The following FBN2 variants were observed in gnomAD, a reference collection of about 807,000 sequenced individuals.
The protein encoded by FBN2 is fibrillin-2.
In FBN2, 105 loss-of-function variants were observed where a neutral mutation model predicts 355.6. The ratio of observed to expected loss-of-function variants is 0.30; its 90% CI spans 0.25 to 0.35. The LOEUF (loss-of-function observed/expected upper bound fraction) is 0.35. Among genes scored for constraint, FBN2 ranks in the 10% least tolerant of loss-of-function variants. The pLI, the probability that FBN2 is intolerant of heterozygous loss-of-function variation, is 1.00. For missense variants in FBN2, 3,280 were observed against 3,758.7 expected (o/e 0.87, Z 3.33); for synonymous variants, 1,350 against 1,301.2 (o/e 1.04, Z -0.81).
intron 7 of FBN2, among the ~76,000 whole-genome samples, chr5:128,430,652 T>G (rs1753593923): frequency 1.3e-5 from 2 of 152,230 alleles, no homozygotes; most frequent in South Asian, 4.1e-4. Flanking sequence ...AAGACCAGCC[T>G]GACCAACATG....
intron 6 of FBN2, among the ~76,000 whole-genome samples, chr5:128,459,284 A>G (rs1357269526): frequency 6.6e-6 from 1 of 152,134 alleles, no homozygotes; most frequent in African/African-American, 2.4e-5. Context: ...ACCACTAACA[A>G]GCTCTGAAAT....
At chr5:128,399,209 A>T (rs1268416965) in intron 8 of FBN2, among the ~76,000 whole-genome samples, 2 of 152,092 alleles carry the variant, frequency 1.3e-5, no homozygotes, top group Non-Finnish European at 2.9e-5. Flanking sequence ...AATTAGCCAT[A>T]CCACTGTGAA....
chr5:128,402,749 C>CT (rs1052159689), intron 8 of FBN2, among the ~76,000 whole-genome samples: 2 of 152,216 alleles, frequency 1.3e-5, no homozygotes, highest in Non-Finnish European at 2.9e-5. Context: ...TTGTCTCATG[C>CT]TTGTCTCCTG....
chr5:128,499,727 C>A (rs748381159), intron 5 of FBN2, among the ~76,000 whole-genome samples: 6 of 152,092 alleles, frequency 3.9e-5, no homozygotes, highest in Non-Finnish European at 8.8e-5. Flanking sequence ...TAAATTGACA[C>A]GCTCAAGAAC....
Position 128,538,140 on chromosome 5 carries a change from A to C in FBN2, c.-537T>G. ...GGGCTCGCTCGGAGTCCCACAGGGC[A>C]ACGAAGCGCGGGTAGCGGCTGCGGA... On this transcript the variant is annotated 5_prime_UTR_variant, in exon 1 of 65. Transcript: ENST00000262464. 1 of 155,140 alleles carries C rather than the reference A, an allele frequency of 6.4e-6. No homozygotes were observed. The allele number at this position is 155,140 out of a possible 1,614,324, so 9.6% of individuals were successfully genotyped here. A position where few individuals can be genotyped will look rare whatever the true frequency, so the allele number is the denominator to read the frequency against.
rs751949438 is a variant in FBN2, at chr5:128,280,316, A to G, written c.7014T>C (p.Asp2338=). The G allele has an allele frequency of 6.2e-7, 1 of 1,609,132 alleles. No individual in the cohort carries two copies. The highest frequency in any genetic ancestry group is 8.5e-7 in the Non-Finnish European group (1 of 1,176,070). ...CTGGCTTGGTCCTGCATTCATTTTC[A>G]TCTTTAGAAAAACAAACAATATGAA... ...ARRPDGEGCV[D]ENECRTKPGI... Residue 2338 remains aspartate (D), a splice_region_variant and synonymous_variant, in exon 56 of 65, where the codon GAT becomes GAC. Coordinates refer to ENST00000262464, the MANE Select transcript of FBN2 (RefSeq NM_001999.4).
intron 6 of FBN2, among the ~76,000 whole-genome samples, chr5:128,463,844 C>A (rs1754624430): frequency 6.6e-6 from 1 of 152,074 alleles, no homozygotes. Context: ...TAGAAAATAA[C>A]CCTAACTCTC....
Position 128,300,955 on chromosome 5 carries a change from G to A in FBN2, c.6047-19C>T. On this transcript the variant is annotated intron_variant, in intron 47 of 64. Transcript: ENST00000262464. ...TTAGTGTCTTTAGAGAAAAAGAAGA[G>A]AAAAAATAATTTAAGCATGAGATAA... 6.2e-7 allele frequency: 1 copy of A among 1,610,928 alleles called. No individual in the cohort carries two copies. The highest frequency in any genetic ancestry group is 8.5e-7 in the Non-Finnish European group (1 of 1,177,584).
At chr5:128,425,719 T>A (rs890566507) in intron 7 of FBN2, among the ~76,000 whole-genome samples, 2 of 152,190 alleles carry the variant, frequency 1.3e-5, no homozygotes, top group Non-Finnish European at 2.9e-5. Flanking sequence ...TATAGAATTA[T>A]CATATAAATG....
At chr5:128,532,878 A>T (rs561715695) in intron 2 of FBN2, among the ~76,000 whole-genome samples, 1 of 152,012 alleles carries the variant, frequency 6.6e-6, no homozygotes, top group Admixed American at 6.6e-5. Flanking sequence ...CGCTACGAAA[A>T]TTTTTTTAAA....
rs747786347 is a variant in FBN2, at chr5:128,345,337, C to T, written c.3217+20G>A. On this transcript the variant is annotated intron_variant, in intron 24 of 64. Transcript: ENST00000262464. ...TCCTGTTGGTGAAGAAGGACCAAGGCGCTGGCCGCAGGCAGTTACCTTTGT... is the reference window on the plus strand; with the variant it reads ...TCCTGTTGGTGAAGAAGGACCAAGGTGCTGGCCGCAGGCAGTTACCTTTGT... 1.9e-5 allele frequency: 31 copies of T among 1,593,634 alleles called. No homozygotes were observed. Among genetic ancestry groups the T allele is most frequent in the East Asian group, 6.7e-5 (3 of 44,758 alleles).
At chr5:128,433,463 A>G (rs1753676719) in intron 7 of FBN2, among the ~76,000 whole-genome samples, 1 of 152,218 alleles carries the variant, frequency 6.6e-6, no homozygotes, top group Admixed American at 6.5e-5. Flanking sequence ...TAAGAACAAT[A>G]CAAAAAGCAA....
chr5:128,275,141 A>C (rs1048260457), intron 59 of FBN2, among the ~76,000 whole-genome samples: 8 of 152,218 alleles, frequency 5.3e-5, no homozygotes, highest in Non-Finnish European at 8.8e-5. Context: ...TTAATATTAG[A>C]GGAAGCAAAA....
chr5:128,344,700 CTTTTTTTT>C (rs143617398), intron 24 of FBN2, among the ~76,000 whole-genome samples, 190 bp from the exon 25 acceptor site: 4 of 139,156 alleles, frequency 2.9e-5, no homozygotes, highest in Non-Finnish European at 4.7e-5. Context: ...ATCTTATATT[CTTTTTTTT>C]TTTTTTTTTG....
chr5:128,410,233 C>A (rs1753029142), intron 7 of FBN2, among the ~76,000 whole-genome samples: 1 of 152,152 alleles, frequency 6.6e-6, no homozygotes, highest in East Asian at 1.9e-4. Context: ...CTTAATCCAA[C>A]AAAATAAAAC....
chr5:128,492,360 G>A (rs1755528641), intron 5 of FBN2, among the ~76,000 whole-genome samples: 2 of 152,166 alleles, frequency 1.3e-5, no homozygotes, highest in South Asian at 4.1e-4. Context: ...AATGAGCCAT[G>A]TAGGTAATAA....
chr5:128,400,604 T>A (rs1354574243), intron 8 of FBN2, among the ~76,000 whole-genome samples: 1 of 152,172 alleles, frequency 6.6e-6, no homozygotes, highest in East Asian at 1.9e-4. Context: ...TAAAAATAAA[T>A]CATTTGTTAA....
chr5:128,296,578 G>A (rs1469432896), intron 48 of FBN2, among the ~76,000 whole-genome samples: 1 of 152,042 alleles, frequency 6.6e-6, no homozygotes, highest in Non-Finnish European at 1.5e-5. Flanking sequence ...GAGTGTATGT[G>A]TCAAGGAATT....
intron 28 of FBN2, 86 bp from the exon 29 acceptor site, chr5:128,335,663 G>C: frequency 6.6e-7 from 1 of 1,519,898 alleles, no homozygotes; most frequent in Non-Finnish European, 9.1e-7. Context: ...TGCTAATGTG[G>C]CTTTGAATTT....
Sources: gnomAD v4.1 joint callset for allele counts (sites outside exome capture counted in the v4.1 genomes callset) on GRCh38, gnomAD v4.1.1 for gene constraint, MANE v1.5 for transcripts, NCBI Gene and HGNC (gene_info 2026-07-23, HGNC 2026-07-21) for gene names.